Variants in VOPP1 observed in about 807,000 individuals in gnomAD.
VOPP1 encodes WW domain binding protein VOPP1.
Under a neutral mutation model 23.5 loss-of-function variants are expected in VOPP1, and 8 were observed. The observed-to-expected ratio is 0.34, with a 90% CI of 0.20 to 0.61. VOPP1 has a LOEUF of 0.61. VOPP1 is among the 20% of genes least tolerant of loss of function. VOPP1 has a pLI of 0.78. For missense variants in VOPP1, 174 were observed against 238.1 expected (o/e 0.73, Z 1.77); for synonymous variants, 83 against 97.3 (o/e 0.85, Z 0.86).
intron 4 of VOPP1, among the ~76,000 whole-genome samples, chr7:55,481,058 G>A (rs146005110): frequency 3.5e-4 from 54 of 152,366 alleles, no homozygotes; most frequent in African/African-American, 1.1e-3. Flanking sequence ...ATGAGGAGGT[G>A]AAGGACCTCA....
chr7:55,557,038 A>C (rs1031078581), intron 1 of VOPP1, among the ~76,000 whole-genome samples: 1 of 152,198 alleles, frequency 6.6e-6, no homozygotes, highest in Non-Finnish European at 1.5e-5. Context: ...CACATAAATG[A>C]AGCCTTCACT....
At position 55,571,089 on chromosome 7, in the gene VOPP1, G is replaced by A. The variant is rs1798336301; in HGVS notation, c.54+1182C>T. ...CTATGGTGAGTCACTCAGAGAATGT[G>A]ATTCCTAAGGTTCTAAAATTCTGAA... On this transcript the variant is annotated intron_variant, in intron 1 of 4. Transcript: ENST00000285279. 2.0e-5 allele frequency among the ~76,000 whole-genome samples: 3 copies of A among 152,296 alleles called. No homozygotes were observed. The South Asian group carries it at 6.2e-4, about 32-fold the overall frequency.
intron 2 of VOPP1, among the ~76,000 whole-genome samples, chr7:55,500,358 C>T (rs1260984914): frequency 1.3e-5 from 2 of 152,212 alleles, no homozygotes. Context: ...GCCATGTAGC[C>T]AGGACTGAGT....
intron 4 of VOPP1, among the ~76,000 whole-genome samples, chr7:55,486,651 C>A (rs907830118): frequency 1.4e-4 from 21 of 152,196 alleles, no homozygotes; most frequent in African/African-American, 3.6e-4. Flanking sequence ...TCACCCTGAC[C>A]CTGATCAACC....
intron 4 of VOPP1, among the ~76,000 whole-genome samples, chr7:55,456,914 G>A (rs1160333784): frequency 6.6e-6 from 1 of 152,086 alleles, no homozygotes; most frequent in Non-Finnish European, 1.5e-5. Context: ...AAACCTGCAC[G>A]TTCTGCACAT....
chr7:55,566,719 T>G (rs1030317877), intron 1 of VOPP1, among the ~76,000 whole-genome samples: 1 of 152,242 alleles, frequency 6.6e-6, no homozygotes, highest in Non-Finnish European at 1.5e-5. Flanking sequence ...TCACATGGAT[T>G]AATGGCTAAG....
chr7:55,450,584 CTGAA>C (rs1791218944), intron 4 of VOPP1, among the ~76,000 whole-genome samples: 1 of 152,156 alleles, frequency 6.6e-6, no homozygotes, highest in African/African-American at 2.4e-5. Flanking sequence ...ATATATTAGG[CTGAA>C]TATCATTAAA....
chr7:55,477,689 C>T (rs978191386), intron 4 of VOPP1, among the ~76,000 whole-genome samples: 1 of 152,170 alleles, frequency 6.6e-6, no homozygotes, highest in Admixed American at 6.5e-5. Context: ...ATGGATCCTA[C>T]CAGGAACTGG....
chr7:55,486,901 C>G (rs1284414902), intron 4 of VOPP1, among the ~76,000 whole-genome samples: 1 of 152,204 alleles, frequency 6.6e-6, no homozygotes, highest in Non-Finnish European at 1.5e-5. Context: ...CAAGGCCACA[C>G]ACCCTGGGTC....
At chr7:55,508,033 AC>A (rs1368933715) in intron 2 of VOPP1, among the ~76,000 whole-genome samples, 2 of 152,182 alleles carry the variant, frequency 1.3e-5, no homozygotes, top group Non-Finnish European at 2.9e-5. Flanking sequence ...TACAGGATTT[AC>A]CTAGGGAAAT....
rs900014997 is a variant in VOPP1 at position 55,556,088 on chromosome 7, T to C, written c.54+16183A>G. On this transcript the variant is annotated intron_variant, in intron 1 of 4. Transcript: ENST00000285279. Reference sequence around the variant, plus strand: ...TGAGGGGCCCCAAGCACTCAATGTATGAAACAGAAAGCTGCTGCACTCACC... The same window carrying C: ...TGAGGGGCCCCAAGCACTCAATGTACGAAACAGAAAGCTGCTGCACTCACC... Among the ~76,000 whole-genome samples, 7 of 152,218 alleles carry C rather than the reference T, an allele frequency of 4.6e-5. No homozygotes were observed. The East Asian group carries it at 1.3e-3, about 29-fold the overall frequency.
chr7:55,496,298 G>A (rs143516634), intron 3 of VOPP1, among the ~76,000 whole-genome samples: 33 of 44,476 alleles, frequency 7.4e-4, no homozygotes, highest in Non-Finnish European at 1.2e-3. Flanking sequence ...CAAGGTCCCA[G>A]GAGGAGGCTC....
chr7:55,495,870 G>A (rs917885197), intron 3 of VOPP1, among the ~76,000 whole-genome samples: 2 of 152,212 alleles, frequency 1.3e-5, no homozygotes, highest in Non-Finnish European at 2.9e-5. Flanking sequence ...TAATGACTCA[G>A]CCCCATCTTC....
downstream of VOPP1, among the ~76,000 whole-genome samples, chr7:55,468,048 C>T (rs58975167): frequency 1.3e-5 from 2 of 151,912 alleles, no homozygotes; most frequent in Non-Finnish European, 2.9e-5. Flanking sequence ...CCGAGGCGGG[C>T]GGATCACGAG....
In VOPP1 at chr7:55,475,822, T is replaced by C. The variant is rs1050777213; in HGVS notation, c.329-2777A>G. Among the ~76,000 whole-genome samples the C allele has an allele frequency of 3.9e-5, 6 of 152,206 alleles. No homozygotes were observed. In the South Asian group the frequency reaches 6.2e-4, roughly 16 times the overall value. ...CCATGGCTGCCCCTCACGTCACCAG[T>C]GTTCATCAGGCCAGCCTGTGCCGTG... is the stretch of plus-strand genomic sequence containing the variant. On this transcript the variant is annotated intron_variant, in intron 4 of 4. Transcript: ENST00000285279.
chr7:55,459,617 G>T (rs1006527406), intron 4 of VOPP1, among the ~76,000 whole-genome samples: 1 of 152,014 alleles, frequency 6.6e-6, no homozygotes, highest in African/African-American at 2.4e-5. Context: ...ATGTGTCCAG[G>T]AATTTACCCA....
chr7:55,567,245 T>C (rs1798191431), intron 1 of VOPP1, among the ~76,000 whole-genome samples: 1 of 152,248 alleles, frequency 6.6e-6, no homozygotes, highest in Non-Finnish European at 1.5e-5. Flanking sequence ...ACTAAGGATA[T>C]GTCAATCAAT....
At chr7:55,548,618 G>T (rs2129053024) in intron 1 of VOPP1, among the ~76,000 whole-genome samples, 1 of 152,340 alleles carries the variant, frequency 6.6e-6, no homozygotes, top group South Asian at 2.1e-4. Flanking sequence ...AGATGCATGG[G>T]TGTGGGTGAA....
chr7:55,435,576 G>T (rs553733194), downstream of VOPP1, among the ~76,000 whole-genome samples: 3 of 152,146 alleles, frequency 2.0e-5, no homozygotes, highest in Admixed American at 6.5e-5. Flanking sequence ...AGCACAGTAC[G>T]CAGCCCCGAG....
Sources: allele counts gnomAD v4.1 joint callset (sites outside exome capture counted in the v4.1 genomes callset), GRCh38; gene constraint gnomAD v4.1.1; transcripts MANE v1.5; gene names NCBI Gene and HGNC (gene_info 2026-07-23, HGNC 2026-07-21).